ARSB: variants seen among roughly 807,000 people sequenced by gnomAD.
ARSB encodes arylsulfatase B, also known as N-acetylgalactosamine-4-sulfatase.
Under a neutral mutation model 50.9 loss-of-function variants are expected in ARSB, and 41 were observed. That is an observed-to-expected ratio of 0.81 (90% confidence interval 0.63 to 1.04). The LOEUF (loss-of-function observed/expected upper bound fraction) is 1.04, where lower values mean the gene tolerates loss of function less well. Ranked by LOEUF, ARSB falls within the 50% of genes least tolerant of loss-of-function variation. The probability of loss-of-function intolerance (pLI) is 0.00; values close to 1 mark genes in which losing one functional copy is unlikely to be tolerated. For missense variants in ARSB, 672 were observed against 693.3 expected, an observed-to-expected ratio of 0.97 and a Z score of 0.35; for synonymous variants, 269 against 284.8, an observed-to-expected ratio of 0.94 and a Z score of 0.56.
At chr5:78,877,390 A>T (rs1747535145) in intron 5 of ARSB, among the ~76,000 whole-genome samples, 1 of 152,022 alleles carries the variant, frequency 6.6e-6, no homozygotes. Flanking sequence ...ATTTTTATTT[A>T]TTTATTTATT....
At chr5:78,959,834 C>T (rs1228446987) in intron 3 of ARSB, among the ~76,000 whole-genome samples, 1 of 152,090 alleles carries the variant, frequency 6.6e-6, no homozygotes, top group Non-Finnish European at 1.5e-5. Flanking sequence ...TATATGGTAG[C>T]CTAGTGGAAT....
chr5:78,918,172 C>T (rs1181145845), intron 4 of ARSB, among the ~76,000 whole-genome samples: 7 of 152,170 alleles, frequency 4.6e-5, no homozygotes, highest in Non-Finnish European at 1.0e-4. Context: ...GTTAATATAT[C>T]TGCACATTAG....
intron 4 of ARSB, among the ~76,000 whole-genome samples, chr5:78,930,505 C>T (rs1344421801): frequency 6.6e-6 from 1 of 151,864 alleles, no homozygotes; most frequent in Non-Finnish European, 1.5e-5. Context: ...TAGATATGGC[C>T]CATACTGTGA....
chr5:78,819,941 T>C (rs954981082), intron 6 of ARSB, among the ~76,000 whole-genome samples: 9 of 152,276 alleles, frequency 5.9e-5, no homozygotes, highest in Non-Finnish European at 8.8e-5. Context: ...AAAATCCATA[T>C]GTTGGAACCC....
intron 4 of ARSB, among the ~76,000 whole-genome samples, chr5:78,941,864 T>C (rs1164416437): frequency 2.6e-5 from 4 of 152,180 alleles, no homozygotes; most frequent in African/African-American, 9.6e-5. Flanking sequence ...ATGGTACCAG[T>C]TCCTCCTTGT....
At chr5:78,985,482 C>T (rs1337092323), upstream of ARSB, 2 of 298,994 alleles carry the variant, frequency 6.7e-6, no homozygotes. Context: ...TGCCCGGCTT[C>T]TTGGAAACTC....
intron 6 of ARSB, among the ~76,000 whole-genome samples, chr5:78,815,122 C>G (rs924523536): frequency 6.6e-6 from 1 of 150,780 alleles, no homozygotes; most frequent in African/African-American, 2.5e-5. Flanking sequence ...ACCCAATTAT[C>G]GAAAAGATTA....
rs765925648 is a variant in ARSB, at chr5:78,955,281, A to G, written c.898+14T>C. On this transcript the variant is annotated intron_variant, in intron 4 of 7. Coordinates refer to ENST00000264914, the MANE Select transcript of ARSB (RefSeq NM_000046.5). ...GGCTTTGCCAAGAGATGATTTTCCT[A>G]TTGACAGACTTACCTGTAGAAAAGA... 8 of 1,613,568 alleles carry G rather than the reference A, an allele frequency of 5.0e-6. No individual in the cohort carries two copies. In the South Asian group the frequency reaches 6.6e-5, roughly 13 times the overall value.
rs949382494 is a variant in ARSB at position 78,779,043 on chromosome 5, T to C, written c.*1354A>G. The stretch of plus-strand genomic sequence containing the variant: ...AAGATATAAAAAATTAAAAATAAAA[T>C]AAAAATTAAAAAATGAGTGCCTTCA... On this transcript the variant is annotated 3_prime_UTR_variant, in exon 8 of 8. Coordinates refer to ENST00000264914, the MANE Select transcript of ARSB (RefSeq NM_000046.5). 2 of 151,950 alleles carry C rather than the reference T, an allele frequency of 1.3e-5. No homozygotes were observed. The highest frequency in any genetic ancestry group is 6.5e-5 in the Admixed American group (1 of 15,268). The allele number at this position is 151,950 out of a possible 1,614,324, so 9.4% of individuals were successfully genotyped here.
At chr5:78,860,336 G>A (rs1037186960) in intron 5 of ARSB, among the ~76,000 whole-genome samples, 3 of 152,028 alleles carry the variant, frequency 2.0e-5, no homozygotes, top group East Asian at 1.9e-4. Flanking sequence ...ATTTAGGATA[G>A]CTAGCTCTTC....
intron 2 of ARSB, among the ~76,000 whole-genome samples, 166 bp from the exon 3 acceptor site, chr5:78,964,772 A>C (rs1269742344): frequency 6.6e-6 from 1 of 152,234 alleles, no homozygotes; most frequent in Admixed American, 6.5e-5. Flanking sequence ...TGGTGGCAGA[A>C]GGCATTAAAA....
At position 78,868,940 on chromosome 5, in the gene ARSB, T is replaced by C. The variant is rs1198332623; in HGVS notation, c.1142+16644A>G. Among the ~76,000 whole-genome samples, 22 of 151,794 alleles carry C rather than the reference T, an allele frequency of 1.4e-4. No homozygotes were observed. The East Asian group carries it at 4.1e-3, about 28-fold the overall frequency. On this transcript the variant is annotated intron_variant, in intron 5 of 7. Coordinates refer to ENST00000264914, the MANE Select transcript of ARSB (RefSeq NM_000046.5). ...CCCATCTCACGTGCAGAGACACACA[T>C]AGGCTCAAAATGAAAGGAAGGAGGA...
chr5:78,924,914 T>C (rs1026845253), intron 4 of ARSB, among the ~76,000 whole-genome samples: 8 of 152,218 alleles, frequency 5.3e-5, no homozygotes, highest in South Asian at 2.1e-4. Context: ...ACACTGTATA[T>C]ATACATGACA....
chr5:78,797,677 T>G (rs894118454), intron 6 of ARSB, among the ~76,000 whole-genome samples: 6 of 152,264 alleles, frequency 3.9e-5, no homozygotes, highest in African/African-American at 1.4e-4. Context: ...TCCTGCTTTT[T>G]GGGGTAAGGG....
chr5:78,895,119 G>T (rs540291902), intron 4 of ARSB, among the ~76,000 whole-genome samples: 1 of 152,218 alleles, frequency 6.6e-6, no homozygotes, highest in Non-Finnish European at 1.5e-5. Flanking sequence ...CATGCAATTA[G>T]AGACTAACTC....
intron 6 of ARSB, among the ~76,000 whole-genome samples, chr5:78,810,866 G>C (rs1412843727): frequency 6.6e-6 from 1 of 152,176 alleles, no homozygotes; most frequent in Non-Finnish European, 1.5e-5. Flanking sequence ...CAAAGGCTTT[G>C]AATCTTTGAC....
chr5:78,790,152 G>A (rs1749196881), intron 6 of ARSB, among the ~76,000 whole-genome samples: 1 of 152,164 alleles, frequency 6.6e-6, no homozygotes, highest in South Asian at 2.1e-4. Flanking sequence ...GGATGGTAAT[G>A]AGGATGGAGG....
intron 1 of ARSB, among the ~76,000 whole-genome samples, chr5:78,979,874 T>C (rs1580161192): frequency 6.6e-6 from 1 of 152,176 alleles, no homozygotes; most frequent in Admixed American, 6.5e-5. Context: ...TTATTCATAA[T>C]AGCCAAAAAG....
At chr5:78,969,446 T>A (rs1752352292) in intron 1 of ARSB, among the ~76,000 whole-genome samples, 1 of 150,978 alleles carries the variant, frequency 6.6e-6, no homozygotes, top group African/African-American at 2.4e-5. Context: ...AGGCACTATG[T>A]TAGAAACCAT....
Sources: gnomAD v4.1 joint callset for allele counts (sites outside exome capture counted in the v4.1 genomes callset) on GRCh38, gnomAD v4.1.1 for gene constraint, MANE v1.5 for transcripts, NCBI Gene and HGNC (gene_info 2026-07-23, HGNC 2026-07-21) for gene names.